Variants in OPHN1 observed in about 807,000 individuals in gnomAD.
The protein encoded by OPHN1 is oligophrenin-1.
Under a neutral mutation model 60.7 loss-of-function variants are expected in OPHN1, and 11 were observed. The ratio of observed to expected loss-of-function variants is 0.18; its 90% CI spans 0.11 to 0.30. The LOEUF (loss-of-function observed/expected upper bound fraction) is 0.30. Ranked by LOEUF, OPHN1 falls within the 10% of genes least tolerant of loss-of-function variation. The pLI is 1.00. For synonymous variants in OPHN1, 226 were observed against 222.6 expected (o/e 1.02, Z -0.14); for missense variants, 449 against 611.0 (o/e 0.73, Z 2.80).
intron 6 of OPHN1, among the ~76,000 whole-genome samples, chrX:68,216,502 T>C (rs956249701): frequency 1.8e-5 from 2 of 110,871 alleles, no homozygotes; most frequent in Admixed American, 1.9e-4. Context: ...TTAAATAAGA[T>C]ACACAAAAAT....
intron 5 of OPHN1, among the ~76,000 whole-genome samples, chrX:68,252,916 G>A (rs955002750): frequency 9.0e-6 from 1 of 110,578 alleles, no homozygotes; most frequent in African/African-American, 3.3e-5. Context: ...AGTTTCCTGG[G>A]GAGTTTTTTT....
At chrX:68,159,831 T>G (rs2077326386) in intron 15 of OPHN1, among the ~76,000 whole-genome samples, 1 of 110,217 alleles carries the variant, frequency 9.1e-6, no homozygotes, top group Non-Finnish European at 1.9e-5. Context: ...AACAAAAAAT[T>G]TCCATTTAAT....
chrX:68,124,954 C>T (rs1166048281), intron 15 of OPHN1, among the ~76,000 whole-genome samples: 1 of 111,221 alleles, frequency 9.0e-6, no homozygotes, highest in Non-Finnish European at 1.9e-5. Flanking sequence ...ACCCATAAAG[C>T]AAGTCTTAAA....
At position 68,377,518 on chromosome X, in the gene OPHN1, T is replaced by C. The variant is rs754437654; in HGVS notation, c.154+55349A>G. 2.4e-4 allele frequency among the ~76,000 whole-genome samples: 26 copies of C among 107,726 alleles called. 1 individual carries two copies. The East Asian group carries it at 5.8e-3, about 24-fold the overall frequency. 93.5% of individuals were successfully genotyped at this position (107,726 alleles called of 115,157 possible). A position where few individuals can be genotyped will look rare whatever the true frequency, so the allele number is the denominator to read the frequency against. On this transcript the variant is annotated intron_variant, in intron 2 of 24. Transcript: ENST00000355520. ...CATATGTATACATGTGCCACGCTGG[T>C]GTGCTGCACCCATTAACTCATCATT...
intron 15 of OPHN1, among the ~76,000 whole-genome samples, chrX:68,182,798 G>T (rs952367693): frequency 1.8e-5 from 2 of 111,709 alleles, no homozygotes; most frequent in Non-Finnish European, 3.8e-5. Flanking sequence ...TGTAGTCCCA[G>T]CTACTCTGGA....
At chrX:68,397,153 A>G (rs1043274810) in intron 2 of OPHN1, among the ~76,000 whole-genome samples, 2 of 112,380 alleles carry the variant, frequency 1.8e-5, no homozygotes, top group African/African-American at 6.5e-5. Flanking sequence ...ATCTTCTCAC[A>G]GCCTGTAATG....
At chrX:68,350,156 G>A (rs2078400263) in intron 2 of OPHN1, among the ~76,000 whole-genome samples, 1 of 111,462 alleles carries the variant, frequency 9.0e-6, no homozygotes, top group Non-Finnish European at 1.9e-5. Flanking sequence ...TATGTAAGGT[G>A]ATGGATACCT....
At chrX:68,261,896 A>T (rs1417507220) in intron 5 of OPHN1, among the ~76,000 whole-genome samples, 1 of 111,490 alleles carries the variant, frequency 9.0e-6, no homozygotes, top group Non-Finnish European at 1.9e-5. Context: ...AAGGTTCCAG[A>T]CTAGAATAGT....
At chrX:68,207,037 T>G (rs974485079) in intron 9 of OPHN1, among the ~76,000 whole-genome samples, 1 of 111,820 alleles carries the variant, frequency 8.9e-6, no homozygotes, top group African/African-American at 3.2e-5. Context: ...AACCTGTACA[T>G]GACTCTACAC....
chrX:68,334,374 G>A (rs1418472980), intron 2 of OPHN1, among the ~76,000 whole-genome samples: 2 of 112,017 alleles, frequency 1.8e-5, no homozygotes, highest in Non-Finnish European at 3.8e-5. Flanking sequence ...ACATGCTTTA[G>A]CTACTGATAT....
chrX:68,419,026 G>T (rs777789377), intron 2 of OPHN1, among the ~76,000 whole-genome samples: 2 of 109,697 alleles, frequency 1.8e-5, no homozygotes, highest in African/African-American at 6.6e-5. Flanking sequence ...TTGTTTTTTT[G>T]AGATGGAGTT....
At chrX:68,318,365 TC>T (rs1446609540) in intron 2 of OPHN1, among the ~76,000 whole-genome samples, 1 of 111,707 alleles carries the variant, frequency 9.0e-6, no homozygotes. Flanking sequence ...TTCAGGCAAT[TC>T]CTATCAAAAC....
At chrX:68,294,197 G>A (rs1409152448) in intron 3 of OPHN1, among the ~76,000 whole-genome samples, 2 of 110,636 alleles carry the variant, frequency 1.8e-5, no homozygotes. Flanking sequence ...CTGGCCGGGT[G>A]CAGTGGTTCA....
chrX:68,239,367 TGG>T (rs1286445297), intron 5 of OPHN1, among the ~76,000 whole-genome samples: 1 of 110,617 alleles, frequency 9.0e-6, no homozygotes. Flanking sequence ...TCTAGGGTCT[TGG>T]GGTTTTTATA....
chrX:68,420,843 A>G (rs1268138799), intron 2 of OPHN1, among the ~76,000 whole-genome samples: 1 of 99,851 alleles, frequency 1.0e-5, no homozygotes, highest in Non-Finnish European at 2.0e-5. Flanking sequence ...AGTGATTCTC[A>G]ACAGAAAAAA....
At chrX:68,350,474 C>T (rs867203063) in intron 2 of OPHN1, among the ~76,000 whole-genome samples, 6 of 69,882 alleles carry the variant, frequency 8.6e-5, no homozygotes, top group African/African-American at 4.0e-4. Context: ...CTTCCTTCCT[C>T]CCTCCCTCCC....
At chrX:68,363,270 A>T (rs1222232250) in intron 2 of OPHN1, among the ~76,000 whole-genome samples, 1 of 110,968 alleles carries the variant, frequency 9.0e-6, no homozygotes, top group Non-Finnish European at 1.9e-5. Context: ...TTTAAAAAAA[A>T]TTTAAATAAT....
chrX:68,178,119 T>C (rs188665089), intron 15 of OPHN1, among the ~76,000 whole-genome samples: 93 of 112,032 alleles, frequency 8.3e-4, no homozygotes, highest in Middle Eastern at 4.6e-3. Context: ...TATGGCAGCA[T>C]TTTTATTCCT....
chrX:68,168,367 C>T, intron 15 of OPHN1, among the ~76,000 whole-genome samples: 1 of 112,712 alleles, frequency 8.9e-6, no homozygotes, highest in South Asian at 3.7e-4. Context: ...AACCACTCAA[C>T]TACGTGGAAA....
Sources: allele counts gnomAD v4.1 joint callset (sites outside exome capture counted in the v4.1 genomes callset), GRCh38; gene constraint gnomAD v4.1.1; transcripts MANE v1.5; gene names NCBI Gene and HGNC (gene_info 2026-07-23, HGNC 2026-07-21).